The following DNASE1 variants were observed in gnomAD, a reference collection of about 807,000 sequenced individuals.
DNASE1 encodes the protein deoxyribonuclease-1.
Under a neutral mutation model 33.9 loss-of-function variants are expected in DNASE1, and 40 were observed. That is an observed-to-expected ratio of 1.18 (90% CI 0.92 to 1.54). The LOEUF (loss-of-function observed/expected upper bound fraction) is 1.54, where lower values mean the gene tolerates loss of function less well. DNASE1 is among the 40% of genes most tolerant of loss of function. DNASE1 has a pLI of 0.00. For synonymous variants in DNASE1, 216 were observed against 160.0 expected (o/e 1.35, Z -2.64); for missense variants, 518 against 372.6 (o/e 1.39, Z -3.21).
Position 3,657,957 on chromosome 16 carries a change from GC to G in DNASE1, c.*8del, listed in dbSNP as rs778516239. The G allele has an allele frequency of 1.1e-5, 18 of 1,613,814 alleles. No individual in the cohort carries two copies. Among genetic ancestry groups the G allele is most frequent in the South Asian group, 2.2e-5 (2 of 91,058 alleles). ...AGTGGAGGTGATGCTGAAGTGAGCAGCCCCTCCCCACACCAGTTGAACTGCA... is the reference window on the plus strand; with the variant it reads ...AGTGGAGGTGATGCTGAAGTGAGCAGCCCTCCCCACACCAGTTGAACTGCA... On this transcript the variant is annotated 3_prime_UTR_variant, in exon 9 of 9. Coordinates refer to ENST00000246949, the MANE Select transcript of DNASE1 (RefSeq NM_005223.4).
In DNASE1 at chr16:3,657,050, T is replaced by C; in HGVS notation, c.488T>C (p.Val163Ala). The C allele has an allele frequency of 6.2e-7, 1 of 1,613,838 alleles. No homozygotes were observed. The highest frequency in any genetic ancestry group is 1.1e-5 in the South Asian group (1 of 91,066). The change falls in exon 6 of 9, where the codon GTA (valine) becomes GCA (alanine). Residue 163 changes from valine (V) to alanine (A), a missense_variant. Transcript: ENST00000246949. ...VPLHAAPGDAVAEIDALYDVY... is the reference protein window; with the variant it reads ...VPLHAAPGDAAAEIDALYDVY... ...CTGCATGCGGCCCCGGGGGACGCAG[T>C]AGCCGAGATCGACGCTCTCTATGAC...
At chr16:3,654,233 C>G (rs143935824), upstream of DNASE1, 1,371 of 397,706 alleles carry the variant, frequency 3.4e-3, 16 homozygotes, top group African/African-American at 0.026. Flanking sequence ...AACACACAGC[C>G]TATTGTCTAC....
chr16:3,636,559 C>T (rs188896671), intron 1 of DNASE1, among the ~76,000 whole-genome samples: 1 of 152,250 alleles, frequency 6.6e-6, no homozygotes, highest in Admixed American at 6.5e-5. Context: ...TGGTGGCTCA[C>T]GCCTGTAATC....
At chr16:3,633,954 G>A (rs1171918529) in intron 1 of DNASE1, among the ~76,000 whole-genome samples, 1 of 151,820 alleles carries the variant, frequency 6.6e-6, no homozygotes, top group Non-Finnish European at 1.5e-5. Context: ...GGCTACAGGT[G>A]CCCACCACCA....
chr16:3,656,579 A>G, intron 4 of DNASE1, 59 bp from the exon 5 acceptor site: 1 of 1,439,214 alleles, frequency 6.9e-7, no homozygotes, highest in Non-Finnish European at 9.6e-7. Context: ...CCTCCTGGGA[A>G]GCAGGAGTGG....
chr16:3,658,491 G>A (rs1480849363), downstream of DNASE1: 7 of 573,222 alleles, frequency 1.2e-5, no homozygotes, highest in Admixed American at 1.9e-4. Context: ...AGACCATCCT[G>A]GCCAAGATGG....
downstream of DNASE1, chr16:3,659,751 A>AGATAGATAGATAG (rs1310890175): frequency 1.9e-5 from 1 of 52,776 alleles, no homozygotes; most frequent in East Asian, 5.8e-4. Flanking sequence ...TTTTTTTTTT[A>AGATAGATAGATAG]GATAGATAGA....
At chr16:3,642,146 C>T (rs150259323), upstream of DNASE1, among the ~76,000 whole-genome samples, 1 of 152,298 alleles carries the variant, frequency 6.6e-6, no homozygotes, top group Non-Finnish European at 1.5e-5. Flanking sequence ...CCACGTCAGC[C>T]CCTCAGGATC....
intron 1 of DNASE1, among the ~76,000 whole-genome samples, chr16:3,637,581 C>T (rs1004696576): frequency 1.3e-5 from 2 of 152,164 alleles, no homozygotes; most frequent in South Asian, 4.1e-4. Flanking sequence ...TCAACCTTTC[C>T]CTTAGGCTGA....
At chr16:3,645,055 G>C (rs1307452045) in intron 1 of DNASE1, among the ~76,000 whole-genome samples, 2 of 151,892 alleles carry the variant, frequency 1.3e-5, no homozygotes, top group African/African-American at 4.8e-5. Context: ...GATCACTTGA[G>C]CCTGGGAGGC....
At chr16:3,660,552 A>G (rs1164712238), downstream of DNASE1, 1 of 152,158 alleles carries the variant, frequency 6.6e-6, no homozygotes, top group Admixed American at 6.5e-5. Flanking sequence ...AAACTAGTTA[A>G]AGTGACCTGG....
chr16:3,613,201 C>A (rs998729045), intron 1 of DNASE1, among the ~76,000 whole-genome samples: 4 of 152,116 alleles, frequency 2.6e-5, no homozygotes, highest in African/African-American at 9.7e-5. Context: ...TTTGCGTATT[C>A]AGTACATTTT....
chr16:3,658,867 T>A, downstream of DNASE1: 2 of 1,613,940 alleles, frequency 1.2e-6, no homozygotes, highest in Non-Finnish European at 1.7e-6. Flanking sequence ...AGCGCGTGCC[T>A]GCAACACAGA....
chr16:3,614,352 C>T (rs2041024861), intron 1 of DNASE1, among the ~76,000 whole-genome samples: 1 of 152,148 alleles, frequency 6.6e-6, no homozygotes, highest in Non-Finnish European at 1.5e-5. Context: ...CGCGCCTGGC[C>T]TGAAATAATT....
At chr16:3,660,860 GTTGCAGTGAGCTGAGA>G (rs1567218921), downstream of DNASE1, 2 of 152,126 alleles carry the variant, frequency 1.3e-5, no homozygotes, top group Non-Finnish European at 1.5e-5. Flanking sequence ...GGAGGTAGAA[GTTGCAGTGAGCTGAGA>G]TTGCCCCACT....
chr16:3,661,677 A>G (rs950331280), downstream of DNASE1: 45 of 322,130 alleles, frequency 1.4e-4, 1 homozygote, highest in African/African-American at 9.5e-4. Context: ...ATCCACGTAC[A>G]AAGCTCAAAA....
At chr16:3,662,697 C>T, downstream of DNASE1, 5 of 701,882 alleles carry the variant, frequency 7.1e-6, no homozygotes, top group South Asian at 1.5e-5. Context: ...ACACGGCCTT[C>T]CTGCCTCAGC....
chr16:3,620,644 T>C (rs2041274675), intron 1 of DNASE1, among the ~76,000 whole-genome samples: 1 of 152,182 alleles, frequency 6.6e-6, no homozygotes, highest in Non-Finnish European at 1.5e-5. Flanking sequence ...AAGATATATT[T>C]ATAGTTTTTA....
chr16:3,617,814 A>C (rs1269480877), intron 1 of DNASE1, among the ~76,000 whole-genome samples: 2 of 152,116 alleles, frequency 1.3e-5, no homozygotes, highest in Non-Finnish European at 2.9e-5. Flanking sequence ...AAAGAGGCCC[A>C]AGAGAGAAAC....
Sources: gnomAD v4.1 joint callset for allele counts (sites outside exome capture counted in the v4.1 genomes callset) on GRCh38, gnomAD v4.1.1 for gene constraint, MANE v1.5 for transcripts, NCBI Gene and HGNC (gene_info 2026-07-23, HGNC 2026-07-21) for gene names.